Variants in SYNCRIP observed in about 807,000 individuals in gnomAD.
SYNCRIP encodes synaptotagmin binding cytoplasmic RNA interacting protein, also known as heterogeneous nuclear ribonucleoprotein Q.
In SYNCRIP, 9 loss-of-function variants were observed where a neutral mutation model predicts 68.9. That is an observed-to-expected ratio of 0.13 (90% CI 0.08 to 0.23). The LOEUF (loss-of-function observed/expected upper bound fraction) is 0.23. SYNCRIP is among the 10% of genes least tolerant of loss of function. The pLI is 1.00. For missense variants in SYNCRIP, 414 were observed against 770.6 expected (o/e 0.54, Z 5.48); for synonymous variants, 258 against 254.0 (o/e 1.02, Z -0.15).
intron 2 of SYNCRIP, 134 bp from the exon 3 acceptor site, chr6:85,640,698 A>AC (rs1554189867): frequency 9.2e-5 from 51 of 553,404 alleles, no homozygotes; most frequent in Middle Eastern, 4.8e-4. Flanking sequence ...AAAAAAAAAA[A>AC]ACACACACTT....
At position 85,641,448 on chromosome 6, in the gene SYNCRIP, A is replaced by C. The variant is rs1452718400; in HGVS notation, c.-9T>G. 3 of 1,610,168 alleles carry C rather than the reference A, an allele frequency of 1.9e-6. No individual in the cohort carries two copies. The highest frequency in any genetic ancestry group is 1.3e-5 in the African/African-American group (1 of 74,748). On this transcript the variant is annotated 5_prime_UTR_variant, in exon 2 of 11. Coordinates refer to ENST00000369622, the MANE Select transcript of SYNCRIP (RefSeq NM_006372.5). ...ACATGTTCTGTAGCCATGTTTCCAG[A>C]GATCTGTTCAAACGCAATAAGCAAA...
chr6:85,629,118 G>T (rs1317393861), intron 6 of SYNCRIP, among the ~76,000 whole-genome samples: 1 of 152,060 alleles, frequency 6.6e-6, no homozygotes, highest in Non-Finnish European at 1.5e-5. Context: ...AGCCCAGTAT[G>T]AACTAACTCC....
At chr6:85,616,466 T>C (rs1258544366) in intron 10 of SYNCRIP, among the ~76,000 whole-genome samples, 5 of 152,072 alleles carry the variant, frequency 3.3e-5, no homozygotes, top group Non-Finnish European at 7.4e-5. Flanking sequence ...GCTGGGACTA[T>C]AGGCATGTGC....
In SYNCRIP at chr6:85,622,436, C is replaced by A; in HGVS notation, c.1008+46G>T. The A allele has an allele frequency of 2.7e-6, 4 of 1,505,468 alleles. No individual in the cohort carries two copies. The East Asian group carries it at 6.8e-5, about 26-fold the overall frequency. 93.3% of individuals were successfully genotyped at this position (1,505,468 alleles called of 1,614,324 possible). The stretch of plus-strand genomic sequence containing the variant: ...TCCCCCCACCCCAACCCCGGCCCTT[C>A]TCCCATTAATCCCTCAAAAAATATT... On this transcript the variant is annotated intron_variant, in intron 8 of 10. Transcript: ENST00000369622.
At chr6:85,639,267 A>C (rs1248500840) in intron 4 of SYNCRIP, among the ~76,000 whole-genome samples, 2 of 152,172 alleles carry the variant, frequency 1.3e-5, no homozygotes, top group Non-Finnish European at 2.9e-5. Flanking sequence ...AAAAAACTGA[A>C]AGCTAAAAGT....
chr6:85,613,489 A>G (rs1805423603), downstream of SYNCRIP, among the ~76,000 whole-genome samples: 1 of 152,178 alleles, frequency 6.6e-6, no homozygotes, highest in Non-Finnish European at 1.5e-5. Context: ...CTGTTGACCT[A>G]GAGTCTGTCC....
chr6:85,616,308 C>T (rs951961213), intron 10 of SYNCRIP, among the ~76,000 whole-genome samples: 4 of 151,890 alleles, frequency 2.6e-5, no homozygotes, highest in African/African-American at 7.3e-5. Context: ...TTTTTTATTC[C>T]GTACCTGTTA....
At chr6:85,637,871 T>C (rs1583313907) in intron 4 of SYNCRIP, among the ~76,000 whole-genome samples, 1 of 152,292 alleles carries the variant, frequency 6.6e-6, no homozygotes, top group South Asian at 2.1e-4. Context: ...AATCTCCTAT[T>C]ATTATTTGAC....
chr6:85,635,931 A>G (rs2128299671), intron 6 of SYNCRIP, among the ~76,000 whole-genome samples: 1 of 152,268 alleles, frequency 6.6e-6, no homozygotes, highest in South Asian at 2.1e-4. Context: ...GTTTGTCTGG[A>G]ATTACCCACA....
At chr6:85,631,392 G>A (rs1404900793) in intron 6 of SYNCRIP, among the ~76,000 whole-genome samples, 2 of 150,350 alleles carry the variant, frequency 1.3e-5, no homozygotes, top group Non-Finnish European at 2.9e-5. Flanking sequence ...TGGCTAAAAG[G>A]GTAATTAAAA....
intron 6 of SYNCRIP, among the ~76,000 whole-genome samples, chr6:85,630,358 C>T (rs1054661198): frequency 6.6e-6 from 1 of 152,164 alleles, no homozygotes; most frequent in Non-Finnish European, 1.5e-5. Context: ...GAGACTCCAT[C>T]TCAAAAACAA....
chr6:85,629,009 CT>C (rs67420897), intron 6 of SYNCRIP, among the ~76,000 whole-genome samples: 18,048 of 152,092 alleles, frequency 0.12, 1,644 homozygotes, highest in African/African-American at 0.26. Context: ...TCCTCCTGGC[CT>C]TTATTGTCTT....
At chr6:85,629,242 C>T (rs1348297618) in intron 6 of SYNCRIP, among the ~76,000 whole-genome samples, 3 of 152,136 alleles carry the variant, frequency 2.0e-5, no homozygotes, top group Non-Finnish European at 2.9e-5. Context: ...TCTCTGACAA[C>T]CCTAATCCAG....
upstream of SYNCRIP, chr6:85,643,310 T>C (rs530247414): frequency 2.0e-5 from 3 of 151,684 alleles, no homozygotes; most frequent in South Asian, 2.1e-4. Flanking sequence ...GCTCCTCTCT[T>C]TCTCTCTCCC....
At chr6:85,613,074 TTC>T (rs1483501054), downstream of SYNCRIP, among the ~76,000 whole-genome samples, 1 of 152,198 alleles carries the variant, frequency 6.6e-6, no homozygotes, top group African/African-American at 2.4e-5. Context: ...AACTATGAAC[TTC>T]TTTTTGCTTG....
intron 10 of SYNCRIP, among the ~76,000 whole-genome samples, chr6:85,618,414 C>T (rs1806025422): frequency 6.6e-6 from 1 of 151,404 alleles, no homozygotes; most frequent in Admixed American, 6.6e-5. Context: ...GGCATGGTGG[C>T]GCCTGTAACC....
chr6:85,633,220 C>T (rs1319916399), intron 6 of SYNCRIP, among the ~76,000 whole-genome samples: 1 of 151,766 alleles, frequency 6.6e-6, no homozygotes, highest in Non-Finnish European at 1.5e-5. Flanking sequence ...TGCACCACTG[C>T]ACTCCAGCCT....
At chr6:85,631,129 G>A (rs1229035978) in intron 6 of SYNCRIP, among the ~76,000 whole-genome samples, 1 of 152,090 alleles carries the variant, frequency 6.6e-6, no homozygotes, top group Non-Finnish European at 1.5e-5. Flanking sequence ...AATCACTTGG[G>A]GTCAGGAGTT....
chr6:85,627,687 C>T (rs1277104144), intron 6 of SYNCRIP, among the ~76,000 whole-genome samples: 3 of 152,062 alleles, frequency 2.0e-5, no homozygotes, highest in Non-Finnish European at 4.4e-5. Flanking sequence ...AAAAAACGAG[C>T]ACACACACAC....
Sources: gnomAD v4.1 joint callset for allele counts (sites outside exome capture counted in the v4.1 genomes callset) on GRCh38, gnomAD v4.1.1 for gene constraint, MANE v1.5 for transcripts, NCBI Gene and HGNC (gene_info 2026-07-23, HGNC 2026-07-21) for gene names.